DMD: variants seen among roughly 807,000 people sequenced by gnomAD.
DMD encodes mutant dystrophin.
Under a neutral mutation model 330.1 loss-of-function variants are expected in DMD, and 63 were observed. The ratio of observed to expected loss-of-function variants is 0.19; its 90% CI spans 0.16 to 0.24. The LOEUF is 0.24. Among genes scored for constraint, DMD ranks in the 10% least tolerant of loss-of-function variants. DMD has a pLI of 1.00. For missense variants in DMD, 3,344 were observed against 2,684.1 expected (o/e 1.25, Z -5.43); for synonymous variants, 1,223 against 959.8 (o/e 1.27, Z -5.07).
At chrX:31,279,470 T>C (rs988453793) in intron 62 of DMD, among the ~76,000 whole-genome samples, 3 of 111,747 alleles carry the variant, frequency 2.7e-5, no homozygotes, top group African/African-American at 9.8e-5. Flanking sequence ...CTTTCCCCAC[T>C]CCTTACATCT....
At chrX:32,654,363 T>C (rs1197094699) in intron 9 of DMD, among the ~76,000 whole-genome samples, 2 of 111,394 alleles carry the variant, frequency 1.8e-5, no homozygotes, top group Non-Finnish European at 1.9e-5. Flanking sequence ...AGCATGAAGG[T>C]TGTTGAATTT....
intron 5 of DMD, among the ~76,000 whole-genome samples, chrX:32,820,523 G>A (rs1474530836): frequency 3.6e-5 from 4 of 112,183 alleles, no homozygotes; most frequent in Non-Finnish European, 5.6e-5. Flanking sequence ...AGTCTTGAAA[G>A]CTTATCTTGG....
intron 43 of DMD, among the ~76,000 whole-genome samples, chrX:32,224,252 T>C (rs1402012681): frequency 9.0e-6 from 1 of 111,619 alleles, no homozygotes; most frequent in Admixed American, 9.6e-5. Flanking sequence ...TGATTAGTGC[T>C]TCATCATTTG....
chrX:31,456,317 A>G (rs1195423474), intron 59 of DMD, among the ~76,000 whole-genome samples: 1 of 112,116 alleles, frequency 8.9e-6, no homozygotes, highest in African/African-American at 3.2e-5. Context: ...GTTCCTATTC[A>G]GGCTAGTCCA....
At chrX:31,887,451 A>G (rs950639813) in intron 47 of DMD, among the ~76,000 whole-genome samples, 3 of 111,855 alleles carry the variant, frequency 2.7e-5, no homozygotes, top group Non-Finnish European at 5.7e-5. Flanking sequence ...CCATTCTTCA[A>G]ATCTTCCTAA....
At chrX:31,620,102 T>C (rs781776719) in intron 55 of DMD, among the ~76,000 whole-genome samples, 2 of 111,674 alleles carry the variant, frequency 1.8e-5, no homozygotes, top group African/African-American at 3.3e-5. Flanking sequence ...TGGAAAATAA[T>C]AAAGTAACTA....
intron 53 of DMD, among the ~76,000 whole-genome samples, chrX:31,672,329 C>T (rs1168661929): frequency 8.9e-6 from 1 of 112,065 alleles, no homozygotes; most frequent in Admixed American, 9.4e-5. Flanking sequence ...ATGGCCTACC[C>T]TAGAGAATAT....
At chrX:32,779,913 T>G (rs1019608790) in intron 7 of DMD, among the ~76,000 whole-genome samples, 35 of 111,842 alleles carry the variant, frequency 3.1e-4, no homozygotes, top group Non-Finnish European at 4.5e-4. Context: ...AAGATATTCT[T>G]GGGAAAATAT....
At chrX:31,160,451 C>G (rs1450564877) in intron 74 of DMD, among the ~76,000 whole-genome samples, 1 of 111,435 alleles carries the variant, frequency 9.0e-6, no homozygotes, top group African/African-American at 3.3e-5. Context: ...AGAGACACAA[C>G]GGATAGGCTT....
intron 26 of DMD, among the ~76,000 whole-genome samples, chrX:32,452,500 G>GGAAAGGAAAC: frequency 2.2e-5 from 1 of 45,652 alleles, no homozygotes; most frequent in Non-Finnish European, 5.2e-5. Context: ...GGAAAGGAAA[G>GGAAAGGAAAC]GAAAGGAAAG....
chrX:32,117,255 C>T (rs1354284088), intron 44 of DMD, among the ~76,000 whole-genome samples: 1 of 110,596 alleles, frequency 9.0e-6, no homozygotes, highest in Non-Finnish European at 1.9e-5. Context: ...CATTTGATCT[C>T]ACTCCTAGTT....
chrX:32,597,249 T>C (rs1239907665), intron 12 of DMD, among the ~76,000 whole-genome samples: 2 of 112,077 alleles, frequency 1.8e-5, no homozygotes, highest in Non-Finnish European at 3.8e-5. Context: ...ATTTTTTTAA[T>C]CATAGTATTG....
rs191174653 is a variant in DMD at position 32,062,759 on chromosome X, C to T, written c.6439-94245G>A. Among the ~76,000 whole-genome samples, 56 of 110,839 alleles carry T rather than the reference C, an allele frequency of 5.1e-4. No homozygotes were observed. In the East Asian group the frequency reaches 5.2e-3, roughly 10 times the overall value. ...GATGAATGTTTTAAATAGGTTAACA[C>T]GCTCAGTAAAATTTAATCTGCACAA... is the stretch of plus-strand genomic sequence containing the variant. On this transcript the variant is annotated intron_variant, in intron 44 of 78. Coordinates refer to ENST00000357033, the MANE Select transcript of DMD (RefSeq NM_004006.3).
chrX:33,297,173 G>C (rs1390689513), intron 1 of DMD, among the ~76,000 whole-genome samples: 1 of 111,371 alleles, frequency 9.0e-6, no homozygotes, highest in Admixed American at 9.6e-5. Context: ...ACACACATTA[G>C]TGTACATAAT....
chrX:31,550,786 T>A (rs6631335), intron 55 of DMD, among the ~76,000 whole-genome samples: 2 of 112,128 alleles, frequency 1.8e-5, no homozygotes, highest in African/African-American at 3.2e-5. Flanking sequence ...CTGTCTGTTA[T>A]GGTGACTCAG....
intron 45 of DMD, among the ~76,000 whole-genome samples, chrX:31,960,048 C>T (rs892383941): frequency 8.2e-5 from 9 of 109,263 alleles, no homozygotes; most frequent in African/African-American, 1.3e-4. Flanking sequence ...TGTGAGCCAC[C>T]GCATCTGGCC....
chrX:33,206,494 T>C (rs2051576881), intron 1 of DMD, among the ~76,000 whole-genome samples: 1 of 111,465 alleles, frequency 9.0e-6, no homozygotes, highest in Non-Finnish European at 1.9e-5. Flanking sequence ...AAGTGAGGCA[T>C]TGAGGGAGAA....
intron 1 of DMD, among the ~76,000 whole-genome samples, chrX:33,303,992 A>G (rs1388852297): frequency 9.0e-6 from 1 of 111,568 alleles, no homozygotes; most frequent in Non-Finnish European, 1.9e-5. Context: ...CCATTAAATC[A>G]GTGAATCTTC....
rs745683525 is a variant in DMD at position 31,387,507 on chromosome X, C to T, written c.9085-38873G>A. ...CTCTGCCTCCTGGGTTCATGTGACTCTCCTGCCTCAGCCTCCCAAGTAGCC... is the reference window on the plus strand; with the variant it reads ...CTCTGCCTCCTGGGTTCATGTGACTTTCCTGCCTCAGCCTCCCAAGTAGCC... On this transcript the variant is annotated intron_variant, in intron 60 of 78. Transcript: ENST00000357033. 2.7e-5 allele frequency among the ~76,000 whole-genome samples: 3 copies of T among 111,242 alleles called. No individual in the cohort carries two copies. The South Asian group carries it at 1.2e-3, about 43-fold the overall frequency.
Sources: gnomAD v4.1 joint callset for allele counts (sites outside exome capture counted in the v4.1 genomes callset) on GRCh38, gnomAD v4.1.1 for gene constraint, MANE v1.5 for transcripts, NCBI Gene and HGNC (gene_info 2026-07-23, HGNC 2026-07-21) for gene names.